The following GMIP variants were observed in gnomAD, a reference collection of about 807,000 sequenced individuals.
The protein encoded by GMIP is GEM interacting protein.
Under a neutral mutation model 105.3 loss-of-function variants are expected in GMIP, and 54 were observed. That is an observed-to-expected ratio of 0.51 (90% CI 0.41 to 0.64). The LOEUF is 0.64. Among genes scored for constraint, GMIP ranks in the 30% least tolerant of loss-of-function variants. The pLI, the probability that GMIP is intolerant of heterozygous loss-of-function variation, is 0.00. For synonymous variants in GMIP, 541 were observed against 560.8 expected, an observed-to-expected ratio of 0.96 and a Z score of 0.50; for missense variants, 1,110 against 1,319.4, an observed-to-expected ratio of 0.84 and a Z score of 2.46.
rs138615732 is a variant in GMIP at position 19,635,485 on chromosome 19, C to T, written c.1490G>A (p.Arg497Gln). 5.0e-5 allele frequency: 81 copies of T among 1,611,268 alleles called. No individual in the cohort carries two copies. The highest frequency in any genetic ancestry group is 4.5e-5 in the East Asian group (2 of 44,904). ...LSSAAQTHQL[R>Q]RLRGPAKCRE... ...GCACTTGGCTGGGCCCCGCAGTCGCCGCAGCTGGTGGGTCTGAGCCGCGCT... is the reference window on the plus strand; with the variant it reads ...GCACTTGGCTGGGCCCCGCAGTCGCTGCAGCTGGTGGGTCTGAGCCGCGCT... The change falls in exon 15 of 21, where the codon CGG (arginine) becomes CAG (glutamine). Residue 497 changes from arginine (R) to glutamine (Q), a missense_variant. Around this residue, in one of 3 missense-constraint regions of GMIP, gnomAD observed 667 missense variants for 773.2 expected, o/e 0.86. Transcript: ENST00000203556. This position sits in a 1 kb window ranked among gnomAD's most constrained non-coding sequence, Gnocchi z 4.7.
rs1357736005 is a variant in GMIP at position 19,630,578 on chromosome 19, T to A, written c.2473-41A>T. The A allele has an allele frequency of 6.5e-7, 1 of 1,547,028 alleles. No homozygotes were observed. The highest frequency in any genetic ancestry group is 1.7e-5 in the Admixed American group (1 of 59,680). ...CAAGAATGAGACCCCAACACTAAAA[T>A]CCCAGTTCTTTGAGATTCCTGGAGA... On this transcript the variant is annotated intron_variant, in intron 19 of 20. Transcript: ENST00000203556. The surrounding 1 kb of genome is among the most constrained non-coding windows in gnomAD (Gnocchi z 4.8).
Position 19,635,701 on chromosome 19 carries a change from C to A in GMIP, c.1348G>T (p.Val450Leu). 6.2e-7 allele frequency: 1 copy of A among 1,614,120 alleles called. No individual in the cohort carries two copies. Among genetic ancestry groups the A allele is most frequent in the Non-Finnish European group, 8.5e-7 (1 of 1,179,972 alleles). Residue 450 changes from valine (V) to leucine (L), a missense_variant, in exon 14 of 21, where the codon GTG (valine) becomes TTG (leucine). Physicochemically the swap from Val to Leu is conservative, Grantham distance 32. Around this residue, in one of 3 missense-constraint regions of GMIP, gnomAD observed 667 missense variants for 773.2 expected, o/e 0.86. Coordinates refer to ENST00000203556, the MANE Select transcript of GMIP (RefSeq NM_016573.4). The surrounding 1 kb of genome is among the most constrained non-coding windows in gnomAD (Gnocchi z 4.7). ...TCAGTGCCTGTGGACGAAGCCTTCA[C>A]CAGCTGCCTCGTGCCAGCGCCTGGG... ...SSPGAGTRQL[V>L]KASSTGTESS...
chr19:19,636,934 G>A lies in GMIP; in HGVS notation c.1220C>T (p.Thr407Ile), dbSNP rs1452314033. Residue 407 changes from threonine (T) to isoleucine (I), a missense_variant, in exon 12 of 21, where the codon ACA (threonine) becomes ATA (isoleucine). This residue lies in a region of GMIP where 667 missense variants were observed against 773.2 expected (regional missense o/e 0.86). Coordinates refer to ENST00000203556, the MANE Select transcript of GMIP (RefSeq NM_016573.4). ...GCACTCACCTTGCCAGCGCCAGCCTGTGCCCGGATCCTCCCAAGGGCCTGG... is the reference window on the plus strand; with the variant it reads ...GCACTCACCTTGCCAGCGCCAGCCTATGCCCGGATCCTCCCAAGGGCCTGG... ...AEPGPWEDPGTGWRWQGTPGP... is the reference protein window; with the variant it reads ...AEPGPWEDPGIGWRWQGTPGP... The A allele has an allele frequency of 1.9e-6, 3 of 1,580,894 alleles. No individual in the cohort carries two copies. The highest frequency in any genetic ancestry group is 2.3e-5 in the East Asian group (1 of 43,066).
chr19:19,630,569 A>G lies in GMIP; in HGVS notation c.2473-32T>C, dbSNP rs1285436021. Reference sequence around the variant, plus strand: ...GGAGAAACCCAAGAATGAGACCCCAACACTAAAATCCCAGTTCTTTGAGAT... The same window carrying G: ...GGAGAAACCCAAGAATGAGACCCCAGCACTAAAATCCCAGTTCTTTGAGAT... On this transcript the variant is annotated intron_variant, in intron 19 of 20. Coordinates refer to ENST00000203556, the MANE Select transcript of GMIP (RefSeq NM_016573.4). This position sits in a 1 kb window ranked among gnomAD's most constrained non-coding sequence, Gnocchi z 4.8. 3 of 1,568,536 alleles carry G rather than the reference A, an allele frequency of 1.9e-6. No homozygotes were observed. Among genetic ancestry groups the G allele is most frequent in the Non-Finnish European group, 1.8e-6 (2 of 1,138,644 alleles).
chr19:19,630,186 T>C lies in GMIP; in HGVS notation c.2690A>G (p.Glu897Gly). The change falls in exon 21 of 21, where the codon GAG becomes GGG. Residue 897 changes from glutamate to glycine, a missense_variant. Around this residue, in one of 3 missense-constraint regions of GMIP, gnomAD observed 394 missense variants for 450.5 expected, o/e 0.87. Transcript: ENST00000203556. This position sits in a 1 kb window ranked among gnomAD's most constrained non-coding sequence, Gnocchi z 4.8. ...TCTGGGCACTGATGTGATGGGGGTC[T>C]CCTCGCACAGCTTGGAAGCCACCAG... is the stretch of plus-strand genomic sequence containing the variant. ...LALVASKLCE[E>G]TPITSVPRGS... 6.2e-7 allele frequency: 1 copy of C among 1,602,408 alleles called. No individual in the cohort carries two copies. The highest frequency in any genetic ancestry group is 1.1e-5 in the South Asian group (1 of 90,280).
chr19:19,635,856 T>A lies in GMIP; in HGVS notation c.1328-135A>T, dbSNP rs903946651. The A allele has an allele frequency of 1.4e-6, 1 of 722,402 alleles. No homozygotes were observed. The highest frequency in any genetic ancestry group is 1.7e-5 in the African/African-American group (1 of 57,156). 44.7% of individuals were successfully genotyped at this position (722,402 alleles called of 1,614,324 possible). ...GATTGGACAGGTCAGTGGTTAAGGGTTGGAGAATTGGGTCAGCAACCTGAG... is the reference window on the plus strand; with the variant it reads ...GATTGGACAGGTCAGTGGTTAAGGGATGGAGAATTGGGTCAGCAACCTGAG... On this transcript the variant is annotated intron_variant, in intron 13 of 20. Coordinates refer to ENST00000203556, the MANE Select transcript of GMIP (RefSeq NM_016573.4). The surrounding 1 kb of genome is among the most constrained non-coding windows in gnomAD (Gnocchi z 4.7).
In GMIP at chr19:19,635,840, G is replaced by A; in HGVS notation, c.1328-119C>T. 1.2e-6 allele frequency: 1 copy of A among 809,696 alleles called. No individual in the cohort carries two copies. The highest frequency in any genetic ancestry group is 2.1e-6 in the Non-Finnish European group (1 of 476,708). The allele number at this position is 809,696 out of a possible 1,614,324, so 50.2% of individuals were successfully genotyped here. A position where few individuals can be genotyped will look rare whatever the true frequency, so the allele number is the denominator to read the frequency against. ...CAGAGGTCAGGAGGGGGATTGGACAGGTCAGTGGTTAAGGGTTGGAGAATT... is the reference window on the plus strand; with the variant it reads ...CAGAGGTCAGGAGGGGGATTGGACAAGTCAGTGGTTAAGGGTTGGAGAATT... On this transcript the variant is annotated intron_variant, in intron 13 of 20. Transcript: ENST00000203556. This position sits in a 1 kb window ranked among gnomAD's most constrained non-coding sequence, Gnocchi z 4.7.
At chr19:19,632,287 TCC>T (rs1410283114) in intron 19 of GMIP, among the ~76,000 whole-genome samples, 1 of 149,168 alleles carries the variant, frequency 6.7e-6, no homozygotes, top group African/African-American at 2.5e-5. Flanking sequence ...AGAATGAAAC[TCC>T]GTCTAAAAAA....
Position 19,630,540 on chromosome 19 carries a change from G to A in GMIP, c.2473-3C>T, listed in dbSNP as rs2061784635. 1.2e-6 allele frequency: 2 copies of A among 1,612,836 alleles called. No homozygotes were observed. The highest frequency in any genetic ancestry group is 1.1e-5 in the South Asian group (1 of 91,058). ...TGGTCACTCTGTGGAGTTGGAATCT[G>A]CAGGGAGAAACCCAAGAATGAGACC... On this transcript the variant is annotated splice_region_variant and splice_polypyrimidine_tract_variant and intron_variant, in intron 19 of 20. Transcript: ENST00000203556. This position sits in a 1 kb window ranked among gnomAD's most constrained non-coding sequence, Gnocchi z 4.8.
rs760929460 is a variant in GMIP at position 19,630,335 on chromosome 19, C to A, written c.2541G>T (p.Val847=). 1 of 1,540,498 alleles carries A rather than the reference C, an allele frequency of 6.5e-7. No homozygotes were observed. The highest frequency in any genetic ancestry group is 2.0e-5 in the Admixed American group (1 of 49,754). ...GTGAGTCCTCTGGGCCTTGGCTGGA[C>A]ACTGTGTACGGGGTGGGTGGTCAGT... ...AEDTKDGGGE[V]SSQGPEDSLL... The change falls in exon 21 of 21, where the codon GTG becomes GTT. Residue 847 remains valine, a splice_region_variant and synonymous_variant. Transcript: ENST00000203556. The surrounding 1 kb of genome is among the most constrained non-coding windows in gnomAD (Gnocchi z 4.8).
chr19:19,635,705 C>A lies in GMIP; in HGVS notation c.1344G>T (p.Gln448His). 6.2e-7 allele frequency: 1 copy of A among 1,614,148 alleles called. No homozygotes were observed. The highest frequency in any genetic ancestry group is 8.5e-7 in the Non-Finnish European group (1 of 1,179,972). ...TGCCTGTGGACGAAGCCTTCACCAGCTGCCTCGTGCCAGCGCCTGGGGTCA... is the reference window on the plus strand; with the variant it reads ...TGCCTGTGGACGAAGCCTTCACCAGATGCCTCGTGCCAGCGCCTGGGGTCA... ...PTSSPGAGTRQLVKASSTGTE... is the reference protein window; with the variant it reads ...PTSSPGAGTRHLVKASSTGTE... Residue 448 changes from glutamine to histidine, a missense_variant, in exon 14 of 21, where the codon CAG becomes CAT. By Grantham distance (24) the Gln-to-His change is conservative. Coordinates refer to ENST00000203556, the MANE Select transcript of GMIP (RefSeq NM_016573.4). The surrounding 1 kb of genome is among the most constrained non-coding windows in gnomAD (Gnocchi z 4.7).
rs2061786047 is a variant in GMIP, at chr19:19,630,625, A to G, written c.2473-88T>C. 3 of 1,177,928 alleles carry G rather than the reference A, an allele frequency of 2.5e-6. No homozygotes were observed. Among genetic ancestry groups the G allele is most frequent in the Non-Finnish European group, 3.8e-6 (3 of 786,596 alleles). The allele number at this position is 1,177,928 out of a possible 1,614,324, so 73.0% of individuals were successfully genotyped here. ...GAGAGCCAAGGGCTTGTTCCTGGAC[A>G]TGCAAAAGGAATAGCCAGTGCAAAG... On this transcript the variant is annotated intron_variant, in intron 19 of 20. Coordinates refer to ENST00000203556, the MANE Select transcript of GMIP (RefSeq NM_016573.4). This position sits in a 1 kb window ranked among gnomAD's most constrained non-coding sequence, Gnocchi z 4.8.
intron 19 of GMIP, among the ~76,000 whole-genome samples, chr19:19,633,059 CTTTTTTTT>C (rs34310969): frequency 7.1e-6 from 1 of 139,944 alleles, no homozygotes; most frequent in Non-Finnish European, 1.6e-5. Flanking sequence ...TCTTACTCCA[CTTTTTTTT>C]TTTTTTTTTG....
chr19:19,640,169 G>A lies in GMIP; in HGVS notation c.453C>T (p.Ile151=). The change falls in exon 7 of 21, where the codon ATC becomes ATT. Residue 151 remains isoleucine, a synonymous_variant. Transcript: ENST00000203556. The part of the protein sequence containing the change: ...QQQSHMPLQY[I]YTLFLEHDLS... ...GATCGTGCTCCAGAAACAGGGTGTA[G>A]ATGTACTGCAGAGGCATGTGGCTCT... 1 of 1,613,354 alleles carries A rather than the reference G, an allele frequency of 6.2e-7. No individual in the cohort carries two copies. Among genetic ancestry groups the A allele is most frequent in the Non-Finnish European group, 8.5e-7 (1 of 1,179,406 alleles).
In GMIP at chr19:19,643,568, G is replaced by A; in HGVS notation, c.-39C>T. 8 of 1,517,128 alleles carry A rather than the reference G, an allele frequency of 5.3e-6. No homozygotes were observed. Among genetic ancestry groups the A allele is most frequent in the Non-Finnish European group, 7.1e-6 (8 of 1,128,586 alleles). 94.0% of individuals were successfully genotyped at this position (1,517,128 alleles called of 1,614,324 possible). A position where few individuals can be genotyped will look rare whatever the true frequency, so the allele number is the denominator to read the frequency against. On this transcript the variant is annotated 5_prime_UTR_variant, in exon 1 of 21. Coordinates refer to ENST00000203556, the MANE Select transcript of GMIP (RefSeq NM_016573.4). ...GATCGCTCTGCAGGGACCGGGATGG[G>A]GATGGGGTCGCGCGCCGGCGGGGCC...
Position 19,635,734 on chromosome 19 carries a change from G to A in GMIP, c.1328-13C>T. 6.2e-7 allele frequency: 1 copy of A among 1,611,458 alleles called. No homozygotes were observed. Among genetic ancestry groups the A allele is most frequent in the Non-Finnish European group, 8.5e-7 (1 of 1,177,652 alleles). ...CTCGTGCCAGCGCCTGGGGTCAGAG[G>A]AATCATGGGAGATTCCTGGGCTATG... On this transcript the variant is annotated splice_polypyrimidine_tract_variant and intron_variant, in intron 13 of 20. Coordinates refer to ENST00000203556, the MANE Select transcript of GMIP (RefSeq NM_016573.4). This position sits in a 1 kb window ranked among gnomAD's most constrained non-coding sequence, Gnocchi z 4.7.
intron 13 of GMIP, 75 bp downstream of exon 13, chr19:19,636,632 G>A (rs748372426): frequency 3.2e-5 from 33 of 1,044,640 alleles, no homozygotes; most frequent in Non-Finnish European, 4.7e-5. Flanking sequence ...GTTAAAGATT[G>A]AGGGTCAGAG....
At position 19,634,470 on chromosome 19, in the gene GMIP, A is replaced by G. The variant is rs1482376692; in HGVS notation, c.2084+37T>C. ...AGTTAGTAGTCGCATGTCCAGGGAA[A>G]AGGGTCGCGTTTCAAGGCTCAGGGA... On this transcript the variant is annotated intron_variant, in intron 18 of 20. Transcript: ENST00000203556. The surrounding 1 kb of genome is among the most constrained non-coding windows in gnomAD (Gnocchi z 6.1). 1.3e-6 allele frequency: 2 copies of G among 1,547,604 alleles called. No individual in the cohort carries two copies. The highest frequency in any genetic ancestry group is 1.8e-6 in the Non-Finnish European group (2 of 1,138,446).
In GMIP at chr19:19,634,286, T is replaced by A; in HGVS notation, c.2085-96A>T. Reference sequence around the variant, plus strand: ...CACGCAGGCCAGCCTAGAGGTGACTTGCCCATGTCACAGGTGTAAGTCGTC... The same window carrying A: ...CACGCAGGCCAGCCTAGAGGTGACTAGCCCATGTCACAGGTGTAAGTCGTC... On this transcript the variant is annotated intron_variant, in intron 18 of 20. Coordinates refer to ENST00000203556, the MANE Select transcript of GMIP (RefSeq NM_016573.4). The surrounding 1 kb of genome is among the most constrained non-coding windows in gnomAD (Gnocchi z 6.1). 7.5e-7 allele frequency: 1 copy of A among 1,329,176 alleles called. No individual in the cohort carries two copies. The allele number at this position is 1,329,176 out of a possible 1,614,324, so 82.3% of individuals were successfully genotyped here.
Sources: allele counts gnomAD v4.1 joint callset (sites outside exome capture counted in the v4.1 genomes callset), GRCh38; gene constraint gnomAD v4.1.1; regional missense constraint gnomAD v4.1.1; non-coding constraint Gnocchi (gnomAD v3.1); transcripts MANE v1.5; gene names NCBI Gene and HGNC (gene_info 2026-07-23, HGNC 2026-07-21).